Variants in LRRC7 observed in about 807,000 individuals in gnomAD.
The protein encoded by LRRC7 is leucine rich repeat containing 7, also known as leucine-rich repeat-containing protein 7.
LRRC7 carries 23 observed loss-of-function variants against 175.7 expected under a neutral mutation model. That is an observed-to-expected ratio of 0.13 (90% CI 0.09 to 0.19). The LOEUF (loss-of-function observed/expected upper bound fraction) is 0.19, where lower values mean the gene tolerates loss of function less well. LRRC7 is among the 10% of genes least tolerant of loss of function. LRRC7 has a pLI of 1.00. For synonymous variants in LRRC7, 685 were observed against 680.9 expected (o/e 1.01, Z -0.09); for missense variants, 1,354 against 1,904.7 (o/e 0.71, Z 5.38).
chr1:69,668,572 T>G (rs1195876699), intron 1 of LRRC7, among the ~76,000 whole-genome samples: 1 of 152,210 alleles, frequency 6.6e-6, no homozygotes, highest in Non-Finnish European at 1.5e-5. Flanking sequence ...TGGTTCCAAG[T>G]CTTCGCTATT....
chr1:69,805,301 G>A (rs1459035502), intron 4 of LRRC7, among the ~76,000 whole-genome samples: 1 of 151,608 alleles, frequency 6.6e-6, no homozygotes, highest in African/African-American at 2.4e-5. Context: ...AAGCATATAT[G>A]GGTAATCAGT....
At chr1:69,783,210 C>A (rs1673975487) in intron 3 of LRRC7, among the ~76,000 whole-genome samples, 1 of 152,174 alleles carries the variant, frequency 6.6e-6, no homozygotes, top group African/African-American at 2.4e-5. Context: ...CAGAAAACAA[C>A]CCCTCTCTGT....
At chr1:69,765,681 C>T (rs149282961) in intron 3 of LRRC7, among the ~76,000 whole-genome samples, 95 of 152,152 alleles carry the variant, frequency 6.2e-4, no homozygotes, top group Middle Eastern at 6.8e-3. Flanking sequence ...TTAAGGTATG[C>T]CTTCACTGAA....
intron 2 of LRRC7, among the ~76,000 whole-genome samples, chr1:69,695,302 C>G (rs1662428294): frequency 6.6e-6 from 1 of 152,138 alleles, no homozygotes; most frequent in Non-Finnish European, 1.5e-5. Flanking sequence ...GAGTATCTGG[C>G]AGAAGAAATC....
chr1:70,028,272 G>A lies in LRRC7; in HGVS notation c.1896G>A (p.Val632=), dbSNP rs968891897. 2 of 1,613,674 alleles carry A rather than the reference G, an allele frequency of 1.2e-6. No homozygotes were observed. The highest frequency in any genetic ancestry group is 2.7e-5 in the African/African-American group (2 of 74,898). ...TGGTGGGTAAGCCAAGCCATGGAGTGCGTGTTGAGAATTCAAATCCAACTG... is the reference window on the plus strand; with the variant it reads ...TGGTGGGTAAGCCAAGCCATGGAGTACGTGTTGAGAATTCAAATCCAACTG... ...QNLVGKPSHG[V]RVENSNPTAN... The change falls in exon 18 of 27, where the codon GTG becomes GTA. Residue 632 remains valine (V), a synonymous_variant. Coordinates refer to ENST00000651989, the MANE Select transcript of LRRC7 (RefSeq NM_001370785.2).
At chr1:69,890,694 T>C (rs1190653110) in intron 7 of LRRC7, among the ~76,000 whole-genome samples, 1 of 152,252 alleles carries the variant, frequency 6.6e-6, no homozygotes, top group East Asian at 1.9e-4. Flanking sequence ...ATTTTATCTA[T>C]ATTGAAAACC....
intron 7 of LRRC7, among the ~76,000 whole-genome samples, chr1:69,884,801 A>G (rs977287086): frequency 6.9e-6 from 1 of 145,848 alleles, no homozygotes; most frequent in African/African-American, 2.6e-5. Context: ...TCAATACCTA[A>G]TTTATTGAGA....
chr1:69,582,829 C>T (rs1018154098), intron 1 of LRRC7, among the ~76,000 whole-genome samples: 1 of 152,128 alleles, frequency 6.6e-6, no homozygotes, highest in Non-Finnish European at 1.5e-5. Flanking sequence ...GGCCAGCATG[C>T]AAGTCTGTTT....
At chr1:69,711,599 T>G (rs1053556243) in intron 2 of LRRC7, among the ~76,000 whole-genome samples, 12 of 152,362 alleles carry the variant, frequency 7.9e-5, no homozygotes, top group South Asian at 2.1e-4. Context: ...ACACTTGCAT[T>G]AGGCAATTTC....
At chr1:69,575,548 T>C (rs1341707443) in intron 1 of LRRC7, among the ~76,000 whole-genome samples, 1 of 152,184 alleles carries the variant, frequency 6.6e-6, no homozygotes, top group Non-Finnish European at 1.5e-5. Flanking sequence ...AGTATTCTAT[T>C]TTTAAAATAT....
intron 7 of LRRC7, among the ~76,000 whole-genome samples, chr1:69,864,266 A>C (rs908602594): frequency 6.6e-6 from 1 of 152,222 alleles, no homozygotes; most frequent in Admixed American, 6.5e-5. Context: ...ACAGATAGAA[A>C]TATGAATGTC....
At chr1:70,065,734 C>T (rs1173458508) in intron 23 of LRRC7, among the ~76,000 whole-genome samples, 1 of 151,944 alleles carries the variant, frequency 6.6e-6, no homozygotes, top group African/African-American at 2.4e-5. Context: ...GTTAATAGTG[C>T]AGAGTAAGTA....
At chr1:69,873,157 C>T (rs1362341971) in intron 7 of LRRC7, among the ~76,000 whole-genome samples, 11 of 152,102 alleles carry the variant, frequency 7.2e-5, no homozygotes, top group African/African-American at 1.2e-4. Flanking sequence ...ATGACAATGG[C>T]TTATCACCTG....
chr1:69,593,267 G>T (rs1005865074), intron 1 of LRRC7, among the ~76,000 whole-genome samples: 5 of 151,958 alleles, frequency 3.3e-5, no homozygotes, highest in Admixed American at 3.3e-4. Context: ...AAGCAAATTC[G>T]TGAAAAATAA....
rs1264663794 is a variant in LRRC7 at position 69,904,667 on chromosome 1, T to A, written c.648-26840T>A. 2.0e-5 allele frequency among the ~76,000 whole-genome samples: 3 copies of A among 152,214 alleles called. No individual in the cohort carries two copies. In the East Asian group the frequency reaches 5.8e-4, roughly 29 times the overall value. ...CTTTCTCCTGATCTTTTTGTTTTTT[T>A]ACATTTTTAAAAATTTATTTTAGGT... On this transcript the variant is annotated intron_variant, in intron 7 of 26. Coordinates refer to ENST00000651989, the MANE Select transcript of LRRC7 (RefSeq NM_001370785.2).
At chr1:69,772,552 T>C (rs1209848334) in intron 3 of LRRC7, among the ~76,000 whole-genome samples, 1 of 152,198 alleles carries the variant, frequency 6.6e-6, no homozygotes, top group Non-Finnish European at 1.5e-5. Flanking sequence ...ATTACTTTTA[T>C]TTTAAAAATA....
intron 1 of LRRC7, among the ~76,000 whole-genome samples, chr1:69,597,110 T>C (rs1159926829): frequency 2.6e-5 from 4 of 152,244 alleles, no homozygotes; most frequent in African/African-American, 9.6e-5. Flanking sequence ...AGTAATCAAA[T>C]GAATGCTCAA....
At chr1:70,092,306 G>T (rs1220574081) in intron 25 of LRRC7, among the ~76,000 whole-genome samples, 2 of 152,100 alleles carry the variant, frequency 1.3e-5, no homozygotes, top group African/African-American at 4.8e-5. Context: ...AAAAAATACT[G>T]CCTGAGCCTG....
intron 5 of LRRC7, among the ~76,000 whole-genome samples, chr1:69,826,915 G>C (rs370682488): frequency 6.6e-6 from 1 of 152,062 alleles, no homozygotes; most frequent in Non-Finnish European, 1.5e-5. Context: ...GACAAGGTGA[G>C]GAGTGAAATA....
Sources: allele counts gnomAD v4.1 joint callset (sites outside exome capture counted in the v4.1 genomes callset), GRCh38; gene constraint gnomAD v4.1.1; transcripts MANE v1.5; gene names NCBI Gene and HGNC (gene_info 2026-07-23, HGNC 2026-07-21).